Variants in S100Z observed in about 807,000 individuals in gnomAD.
S100Z encodes the protein protein S100-Z.
In S100Z, 11 loss-of-function variants were observed where a neutral mutation model predicts 8.5. The ratio of observed to expected loss-of-function variants is 1.30; its 90% CI spans 0.82 to 2.15. The LOEUF (loss-of-function observed/expected upper bound fraction) is 2.15. Ranked by LOEUF, S100Z falls within the 30% of genes most tolerant of loss-of-function variation. The probability of loss-of-function intolerance (pLI) is 0.00; values close to 1 mark genes in which losing one functional copy is unlikely to be tolerated. For synonymous variants in S100Z, 34 were observed against 43.8 expected (o/e 0.78, Z 0.89); for missense variants, 126 against 117.9 (o/e 1.07, Z -0.32).
rs1248051716 is a variant in S100Z, at chr5:76,882,794, G to A, written c.*2+4960G>A. 2.6e-5 allele frequency among the ~76,000 whole-genome samples: 4 copies of A among 152,164 alleles called. 1 individual carries two copies. Among genetic ancestry groups the A allele is most frequent in the South Asian group, 2.1e-4 (1 of 4,826 alleles). On this transcript the variant is annotated intron_variant, in intron 4 of 4. Coordinates refer to ENST00000317593, the MANE Select transcript of S100Z (RefSeq NM_130772.4). Reference sequence around the variant, plus strand: ...AATTTGTGAGTCTAATGGGTGTCAGGGTCAGTCCAAGTGAAAGCAAAGAGA... The same window carrying A: ...AATTTGTGAGTCTAATGGGTGTCAGAGTCAGTCCAAGTGAAAGCAAAGAGA...
At chr5:76,879,909 G>A (rs373984260) in intron 4 of S100Z, among the ~76,000 whole-genome samples, 41 of 152,236 alleles carry the variant, frequency 2.7e-4, no homozygotes, top group African/African-American at 8.7e-4. Context: ...GTTGTCTCAC[G>A]CATCTGTGTG....
intron 4 of S100Z, among the ~76,000 whole-genome samples, chr5:76,907,631 G>A (rs1744502598): frequency 6.6e-6 from 1 of 152,130 alleles, no homozygotes; most frequent in South Asian, 2.1e-4. Context: ...AAATAAGATA[G>A]TCTGAGTCTT....
chr5:76,952,106 C>T, the S100Z span, among the ~76,000 whole-genome samples: 2 of 152,234 alleles, frequency 1.3e-5, no homozygotes, highest in African/African-American at 2.4e-5. Flanking sequence ...AAGAAATTCT[C>T]TTCTCTCCTG....
intron 2 of S100Z, among the ~76,000 whole-genome samples, chr5:76,872,832 G>A (rs895442576): frequency 3.3e-5 from 5 of 151,988 alleles, no homozygotes; most frequent in Admixed American, 2.0e-4. Context: ...AATTAGCCAG[G>A]CATGGTGGTG....
At chr5:76,895,909 C>T (rs1259890051) in intron 4 of S100Z, among the ~76,000 whole-genome samples, 1 of 151,390 alleles carries the variant, frequency 6.6e-6, no homozygotes, top group Non-Finnish European at 1.5e-5. Flanking sequence ...ATTACAGGCA[C>T]CCACCACCAC....
intron 4 of S100Z, among the ~76,000 whole-genome samples, chr5:76,918,197 G>A (rs188500780): frequency 1.3e-3 from 194 of 151,910 alleles, no homozygotes; most frequent in African/African-American, 4.0e-3. Flanking sequence ...ATTTTTTGTC[G>A]TTAGAATAGG....
chr5:76,853,543 C>T (rs1750791126), intron 1 of S100Z, among the ~76,000 whole-genome samples: 1 of 152,068 alleles, frequency 6.6e-6, no homozygotes, highest in Non-Finnish European at 1.5e-5. Context: ...CATCTGTAAT[C>T]CCAGCACTTT....
chr5:76,923,571 G>A (rs3903346), downstream of S100Z, among the ~76,000 whole-genome samples: 92,770 of 151,836 alleles, frequency 0.61, 28,833 homozygotes, highest in African/African-American at 0.67. Context: ...ACAAATGCAA[G>A]ATACCCTCCC....
chr5:76,936,186 G>A, the S100Z span, among the ~76,000 whole-genome samples: 3,973 of 152,036 alleles, frequency 0.026, 162 homozygotes, highest in African/African-American at 0.09. Context: ...AAATAATATC[G>A]TATGCGAGTA....
At chr5:76,867,055 G>A (rs564753359) in intron 1 of S100Z, among the ~76,000 whole-genome samples, 2 of 152,234 alleles carry the variant, frequency 1.3e-5, no homozygotes, top group Admixed American at 1.3e-4. Context: ...ATAGTTGTGC[G>A]ATTCTAGGAA....
chr5:76,901,037 G>A (rs1744208340), intron 4 of S100Z, among the ~76,000 whole-genome samples: 1 of 152,208 alleles, frequency 6.6e-6, no homozygotes, highest in African/African-American at 2.4e-5. Context: ...TTACCAGACA[G>A]AGACTCTAGT....
At chr5:76,936,958 T>A in the S100Z span, among the ~76,000 whole-genome samples, 1 of 151,838 alleles carries the variant, frequency 6.6e-6, no homozygotes, top group Non-Finnish European at 1.5e-5. Context: ...CCAACAGGAG[T>A]ATGGAAGCTT....
the S100Z span, among the ~76,000 whole-genome samples, chr5:76,936,907 TC>T: frequency 6.6e-6 from 1 of 152,136 alleles, no homozygotes; most frequent in South Asian, 2.1e-4. Context: ...AGACGGTCTC[TC>T]CTTCGTCATT....
At chr5:76,941,775 T>C in the S100Z span, among the ~76,000 whole-genome samples, 1 of 152,154 alleles carries the variant, frequency 6.6e-6, no homozygotes, top group South Asian at 2.1e-4. Context: ...AAGTGCACTT[T>C]TAAGGAGCGG....
downstream of S100Z, among the ~76,000 whole-genome samples, chr5:76,923,513 AC>A (rs558789594): frequency 1.6e-3 from 236 of 152,160 alleles, 5 homozygotes; most frequent in Admixed American, 0.012. Flanking sequence ...GTGCTATGCC[AC>A]CCCAATGGGG....
chr5:76,853,846 G>C (rs1314133140), intron 1 of S100Z, among the ~76,000 whole-genome samples: 1 of 152,018 alleles, frequency 6.6e-6, no homozygotes, highest in Non-Finnish European at 1.5e-5. Context: ...GTGGGGCTTG[G>C]TGGGAGGTGA....
intron 1 of S100Z, among the ~76,000 whole-genome samples, chr5:76,860,208 C>T (rs887192139): frequency 3.3e-5 from 5 of 151,976 alleles, no homozygotes; most frequent in East Asian, 1.9e-4. Context: ...ATGAGAAGAC[C>T]GCTCCCATTG....
At position 76,915,473 on chromosome 5, in the gene S100Z, G is replaced by A. The variant is rs1744825528; in HGVS notation, c.*3-5244G>A. ...TACAAAAAAAATTAGCCAGGCATGGGGGTGAGCGTCTGTAGTCCTGGCTAC... is the reference window on the plus strand; with the variant it reads ...TACAAAAAAAATTAGCCAGGCATGGAGGTGAGCGTCTGTAGTCCTGGCTAC... On this transcript the variant is annotated intron_variant, in intron 4 of 4. Coordinates refer to ENST00000317593, the MANE Select transcript of S100Z (RefSeq NM_130772.4). 5.3e-5 allele frequency among the ~76,000 whole-genome samples: 8 copies of A among 151,618 alleles called. No homozygotes were observed. The South Asian group carries it at 1.7e-3, about 32-fold the overall frequency.
chr5:76,851,687 T>C (rs1750733242), intron 1 of S100Z, among the ~76,000 whole-genome samples: 1 of 152,206 alleles, frequency 6.6e-6, no homozygotes, highest in Non-Finnish European at 1.5e-5. Flanking sequence ...GTTTGGAATC[T>C]GAGACTCTGA....
Sources: gnomAD v4.1 joint callset for allele counts (sites outside exome capture counted in the v4.1 genomes callset) on GRCh38, gnomAD v4.1.1 for gene constraint, MANE v1.5 for transcripts, NCBI Gene and HGNC (gene_info 2026-07-23, HGNC 2026-07-21) for gene names.